CHD1L: variants seen among roughly 807,000 people sequenced by gnomAD.
CHD1L encodes the protein ATP-dependent chromatin remodeler CHD1L.
Under a neutral mutation model 115.9 loss-of-function variants are expected in CHD1L, and 118 were observed. That is an observed-to-expected ratio of 1.02 (90% confidence interval 0.88 to 1.19). The LOEUF (loss-of-function observed/expected upper bound fraction) is 1.19. Among genes scored for constraint, CHD1L ranks in the 50% most tolerant of loss-of-function variants. The pLI is 0.00. For missense variants in CHD1L, 1,179 were observed against 1,065.3 expected (o/e 1.11, Z -1.49); for synonymous variants, 411 against 387.1 (o/e 1.06, Z -0.72).
intron 14 of CHD1L, among the ~76,000 whole-genome samples, chr1:147,278,257 G>C (rs780736375): frequency 2.7e-5 from 3 of 113,060 alleles, no homozygotes. Context: ...ACAGAGTCTC[G>C]TTCTGTTGCC....
the CHD1L span, among the ~76,000 whole-genome samples, chr1:147,217,490 T>C: frequency 6.6e-6 from 1 of 152,238 alleles, no homozygotes; most frequent in African/African-American, 2.4e-5. Context: ...TTGAGTATTA[T>C]GAAACATTAA....
At chr1:147,195,812 T>TCTTTCTA in the CHD1L span, among the ~76,000 whole-genome samples, 2 of 152,144 alleles carry the variant, frequency 1.3e-5, no homozygotes, top group Non-Finnish European at 2.9e-5. Flanking sequence ...ATACAAGCAT[T>TCTTTCTA]CTTTCTACAA....
At chr1:147,274,428 A>C (rs143098761) in intron 12 of CHD1L, among the ~76,000 whole-genome samples, 1 of 152,090 alleles carries the variant, frequency 6.6e-6, no homozygotes, top group Non-Finnish European at 1.5e-5. Context: ...TTCCTGCCTG[A>C]TTTGTCTGGA....
chr1:147,253,613 C>T (rs1559745019), intron 2 of CHD1L, among the ~76,000 whole-genome samples: 1 of 150,736 alleles, frequency 6.6e-6, no homozygotes, highest in African/African-American at 2.4e-5. Context: ...AAGGAATCCT[C>T]AGTCTCCTGA....
At chr1:147,208,717 G>C in the CHD1L span, 1 of 679,388 alleles carries the variant, frequency 1.5e-6, no homozygotes, top group Admixed American at 2.5e-5. Context: ...GGGATTACAG[G>C]CGTGAGCCAC....
chr1:147,173,933 T>C, the CHD1L span, among the ~76,000 whole-genome samples: 2 of 152,264 alleles, frequency 1.3e-5, no homozygotes, highest in Admixed American at 6.5e-5. Flanking sequence ...GAATACTGTT[T>C]ACTGTAATCC....
At chr1:147,242,526 C>G, upstream of CHD1L, 1 of 584,602 alleles carries the variant, frequency 1.7e-6, no homozygotes, top group Non-Finnish European at 2.5e-6. Flanking sequence ...ACTGCAAGAA[C>G]TGCCTGTCCG....
At chr1:147,180,727 G>T in the CHD1L span, among the ~76,000 whole-genome samples, 9 of 152,330 alleles carry the variant, frequency 5.9e-5, no homozygotes, top group South Asian at 8.3e-4. Flanking sequence ...GGTACTAGCA[G>T]ATAATAGAGT....
chr1:147,196,359 CAAAAT>C, the CHD1L span, among the ~76,000 whole-genome samples: 5 of 152,128 alleles, frequency 3.3e-5, no homozygotes, highest in South Asian at 1.0e-3. Context: ...TTCGGATACT[CAAAAT>C]AAGCGTTTTG....
At position 147,260,581 on chromosome 1, in the gene CHD1L, ATT is replaced by A. The variant is rs1671588081; in HGVS notation, c.576+665_576+666del. The stretch of plus-strand genomic sequence containing the variant: ...TCTTTTGATTATCTTCAAAGGAACA[ATT>A]TCTCTTAAAAAATCTTATTATAATT... On this transcript the variant is annotated intron_variant, in intron 6 of 22. Coordinates refer to ENST00000369258, the MANE Select transcript of CHD1L (RefSeq NM_004284.6). The A allele has an allele frequency of 2.6e-5, 4 of 152,282 alleles. No homozygotes were observed. In the South Asian group the frequency reaches 8.3e-4, roughly 32 times the overall value. 9.4% of individuals were successfully genotyped at this position (152,282 alleles called of 1,614,324 possible).
At chr1:147,213,363 G>T in the CHD1L span, 5 of 1,613,660 alleles carry the variant, frequency 3.1e-6, no homozygotes, top group Non-Finnish European at 3.4e-6. Context: ...TGCAAACCAT[G>T]ACTCCATCAA....
At chr1:147,216,012 T>C in the CHD1L span, 11 of 1,208,722 alleles carry the variant, frequency 9.1e-6, no homozygotes, top group Non-Finnish European at 1.3e-5. Flanking sequence ...CCAATAGACA[T>C]CTGAAAAAGT....
chr1:147,276,883 G>A (rs1678693071), intron 14 of CHD1L, among the ~76,000 whole-genome samples: 1 of 152,112 alleles, frequency 6.6e-6, no homozygotes, highest in Admixed American at 6.5e-5. Context: ...TAAGGATGAG[G>A]GGCTGGATGC....
the CHD1L span, chr1:147,225,226 G>T: frequency 7.1e-7 from 1 of 1,399,156 alleles, no homozygotes. Context: ...GCTGGCATGG[G>T]GGAGCCCTGC....
chr1:147,190,688 T>A, the CHD1L span, among the ~76,000 whole-genome samples: 3 of 152,106 alleles, frequency 2.0e-5, no homozygotes, highest in Admixed American at 2.0e-4. Context: ...AAATTTTTTG[T>A]TTTTATTATT....
At chr1:147,276,311 A>T in intron 14 of CHD1L, 54 bp downstream of exon 14, 3 of 1,571,590 alleles carry the variant, frequency 1.9e-6, no homozygotes, top group Non-Finnish European at 2.6e-6. Flanking sequence ...CCCTTTGTGG[A>T]GGAGAATGTA....
chr1:147,205,031 C>T, the CHD1L span: 1 of 711,590 alleles, frequency 1.4e-6, no homozygotes, highest in South Asian at 1.5e-5. Flanking sequence ...TTCAGTCACT[C>T]TTCCATCTTT....
At chr1:147,240,085 G>A (rs1292076619), upstream of CHD1L, among the ~76,000 whole-genome samples, 7 of 152,182 alleles carry the variant, frequency 4.6e-5, no homozygotes, top group African/African-American at 1.4e-4. Flanking sequence ...TTTTGTCTTA[G>A]CATTAATCCT....
the CHD1L span, chr1:147,172,989 C>T: frequency 5.2e-5 from 8 of 152,480 alleles, no homozygotes; most frequent in African/African-American, 1.4e-4. Flanking sequence ...CAGAAGGAAG[C>T]AGTGGTCATT....
Sources: gnomAD v4.1 joint callset for allele counts (sites outside exome capture counted in the v4.1 genomes callset) on GRCh38, gnomAD v4.1.1 for gene constraint, MANE v1.5 for transcripts, NCBI Gene and HGNC (gene_info 2026-07-23, HGNC 2026-07-21) for gene names.